TENM3: variants seen among roughly 807,000 people sequenced by gnomAD.
The protein encoded by TENM3 is teneurin-3.
Under a neutral mutation model 255.1 loss-of-function variants are expected in TENM3, and 63 were observed. The observed-to-expected ratio is 0.25, with a 90% CI of 0.20 to 0.30. The LOEUF (loss-of-function observed/expected upper bound fraction) is 0.30. TENM3 is among the 10% of genes least tolerant of loss of function. The probability of loss-of-function intolerance (pLI) is 1.00; values close to 1 mark genes in which losing one functional copy is unlikely to be tolerated. For missense variants in TENM3, 2,929 were observed against 3,461.1 expected, an observed-to-expected ratio of 0.85 and a Z score of 3.86; for synonymous variants, 1,306 against 1,322.3, an observed-to-expected ratio of 0.99 and a Z score of 0.27.
the TENM3 span, among the ~76,000 whole-genome samples, chr4:181,677,861 G>A: frequency 2.6e-5 from 4 of 152,036 alleles, no homozygotes; most frequent in Non-Finnish European, 5.9e-5. Flanking sequence ...AATAGGTTGC[G>A]CTTCTCCTTA....
the TENM3 span, among the ~76,000 whole-genome samples, chr4:181,941,309 ATG>A: frequency 0.072 from 7,188 of 99,644 alleles, 253 homozygotes; most frequent in Non-Finnish European, 0.1. Context: ...CTTTTGTTTG[ATG>A]TTTTTTTTTT....
the TENM3 span, among the ~76,000 whole-genome samples, chr4:182,090,536 A>G: frequency 1.3e-5 from 2 of 152,334 alleles, no homozygotes; most frequent in South Asian, 2.1e-4. Context: ...CTAAAACCTG[A>G]GAAAGCCATA....
chr4:181,831,333 A>G, the TENM3 span, among the ~76,000 whole-genome samples: 4,222 of 152,220 alleles, frequency 0.028, 93 homozygotes, highest in South Asian at 0.1. Flanking sequence ...TGCATGTATT[A>G]TTCTAATAAG....
chr4:181,791,904 A>G, the TENM3 span, among the ~76,000 whole-genome samples: 1 of 152,342 alleles, frequency 6.6e-6, no homozygotes, highest in Non-Finnish European at 1.5e-5. Context: ...AAGAATATTC[A>G]TTTATTTAAT....
chr4:182,262,474 A>G (rs918662138), intron 1 of TENM3, among the ~76,000 whole-genome samples: 6 of 152,130 alleles, frequency 3.9e-5, no homozygotes, highest in African/African-American at 2.4e-5. Context: ...AAAACCCACC[A>G]AAACCAAGAT....
intron 22 of TENM3, among the ~76,000 whole-genome samples, chr4:182,761,375 C>T (rs550137592): frequency 2.6e-5 from 4 of 152,126 alleles, no homozygotes; most frequent in South Asian, 2.1e-4. Flanking sequence ...GCCAAGATCA[C>T]GCCACTGCAC....
intron 3 of TENM3, among the ~76,000 whole-genome samples, chr4:182,562,598 G>A (rs1417581765): frequency 6.6e-6 from 1 of 152,116 alleles, no homozygotes; most frequent in Non-Finnish European, 1.5e-5. Context: ...GGTTGGAGCA[G>A]GCTGCCACTT....
chr4:182,423,475 G>C (rs1001246403), intron 3 of TENM3, among the ~76,000 whole-genome samples: 2 of 152,106 alleles, frequency 1.3e-5, no homozygotes, highest in Non-Finnish European at 2.9e-5. Context: ...AGGATGTAGT[G>C]TTCTGAAAAA....
At chr4:182,214,157 G>C (rs1039265384) in intron 1 of TENM3, among the ~76,000 whole-genome samples, 2 of 152,116 alleles carry the variant, frequency 1.3e-5, no homozygotes, top group African/African-American at 4.8e-5. Flanking sequence ...TAGGTAAGTA[G>C]GGTTTAAATC....
intron 3 of TENM3, among the ~76,000 whole-genome samples, chr4:182,479,172 CTTTTAG>C (rs1733957062): frequency 6.6e-6 from 1 of 151,776 alleles, no homozygotes. Flanking sequence ...AAAATACAGT[CTTTTAG>C]CTTGGCAAGT....
At chr4:182,668,634 A>G (rs968168151) in intron 6 of TENM3, among the ~76,000 whole-genome samples, 3 of 152,206 alleles carry the variant, frequency 2.0e-5, no homozygotes, top group Non-Finnish European at 2.9e-5. Flanking sequence ...TAAATTACCT[A>G]TATATGGGAC....
At chr4:182,271,443 A>C (rs527782427) in intron 1 of TENM3, among the ~76,000 whole-genome samples, 6 of 152,136 alleles carry the variant, frequency 3.9e-5, no homozygotes, top group African/African-American at 1.4e-4. Flanking sequence ...TCCACCATGC[A>C]TAGGTGGAGG....
the TENM3 span, among the ~76,000 whole-genome samples, chr4:181,574,066 C>T: frequency 6.6e-6 from 1 of 152,120 alleles, no homozygotes; most frequent in African/African-American, 2.4e-5. Context: ...AATTGAAACT[C>T]CCCGAAGATT....
At chr4:181,533,347 G>A in the TENM3 span, among the ~76,000 whole-genome samples, 1 of 152,196 alleles carries the variant, frequency 6.6e-6, no homozygotes, top group Non-Finnish European at 1.5e-5. Flanking sequence ...TAATACAAAA[G>A]AGTTCACTCA....
the TENM3 span, among the ~76,000 whole-genome samples, chr4:181,532,873 A>C: frequency 7.2e-5 from 11 of 152,186 alleles, no homozygotes; most frequent in Non-Finnish European, 1.2e-4. Flanking sequence ...CTTATTATGC[A>C]TTCTGAGAAT....
intron 24 of TENM3, among the ~76,000 whole-genome samples, chr4:182,776,803 A>T (rs1764722339): frequency 6.6e-6 from 1 of 152,204 alleles, no homozygotes; most frequent in Non-Finnish European, 1.5e-5. Context: ...CATGGGTGTT[A>T]CTTTCTTTCT....
intron 26 of TENM3, 59 bp from the exon 27 acceptor site, chr4:182,796,578 A>G: frequency 1.4e-6 from 2 of 1,439,394 alleles, no homozygotes; most frequent in Non-Finnish European, 1.8e-6. Flanking sequence ...TAAGAATTTA[A>G]ATTTATGAAA....
chr4:181,681,395 C>A, the TENM3 span, among the ~76,000 whole-genome samples: 2 of 152,036 alleles, frequency 1.3e-5, no homozygotes, highest in African/African-American at 2.4e-5. Context: ...GTCTGTTTCT[C>A]CCCCCTGTTC....
intron 1 of TENM3, among the ~76,000 whole-genome samples, chr4:182,289,399 G>T (rs1001658133): frequency 6.6e-6 from 1 of 152,210 alleles, no homozygotes; most frequent in Non-Finnish European, 1.5e-5. Flanking sequence ...GTGCGAGGGC[G>T]GAGGGTGAGC....
Sources: gnomAD v4.1 joint callset for allele counts (sites outside exome capture counted in the v4.1 genomes callset) on GRCh38, gnomAD v4.1.1 for gene constraint, MANE v1.5 for transcripts, NCBI Gene and HGNC (gene_info 2026-07-23, HGNC 2026-07-21) for gene names.